PXK: variants seen among roughly 807,000 people sequenced by gnomAD.
PXK encodes the protein PX domain-containing protein kinase-like protein.
In PXK, 35 loss-of-function variants were observed where a neutral mutation model predicts 84.7. That is an observed-to-expected ratio of 0.41 (90% confidence interval 0.32 to 0.55). The LOEUF (loss-of-function observed/expected upper bound fraction) is 0.55. Among genes scored for constraint, PXK ranks in the 20% least tolerant of loss-of-function variants. The pLI is 0.21. For missense variants in PXK, 634 were observed against 699.7 expected, an observed-to-expected ratio of 0.91 and a Z score of 1.06; for synonymous variants, 253 against 260.8, an observed-to-expected ratio of 0.97 and a Z score of 0.29.
At chr3:58,420,784 A>C in intron 17 of PXK, 1 of 1,369,404 alleles carries the variant, frequency 7.3e-7, no homozygotes, top group Non-Finnish European at 9.4e-7. Context: ...TGACCTTCAA[A>C]ATCTTCATTT....
intron 1 of PXK, among the ~76,000 whole-genome samples, chr3:58,341,885 G>A (rs2097739361): frequency 6.6e-6 from 1 of 151,906 alleles, no homozygotes; most frequent in Non-Finnish European, 1.5e-5. Context: ...TGTATTTTTA[G>A]TAGAGATGGG....
intron 17 of PXK, chr3:58,420,579 C>T: frequency 6.5e-7 from 1 of 1,535,956 alleles, no homozygotes; most frequent in Non-Finnish European, 8.7e-7. Context: ...GTAAAGTAAA[C>T]TATGCTGATT....
chr3:58,421,984 C>G lies in PXK; in HGVS notation c.1529-2768C>G. The G allele has an allele frequency of 1.0e-6, 1 of 985,378 alleles. No homozygotes were observed. Among genetic ancestry groups the G allele is most frequent in the South Asian group, 4.7e-5 (1 of 21,290 alleles). 61.0% of individuals were successfully genotyped at this position (985,378 alleles called of 1,614,324 possible). ...GGTCTCTTGGCAGGAAGGCCTCATT[C>G]ACATCTGAGGGGTGGAGAGCGCGCA... On this transcript the variant is annotated intron_variant, in intron 17 of 17. Transcript: ENST00000356151. The surrounding 1 kb of genome is among the most constrained non-coding windows in gnomAD (Gnocchi z 5.5).
intron 1 of PXK, 140 bp from the exon 2 acceptor site, chr3:58,365,734 T>C: frequency 1.7e-6 from 1 of 589,064 alleles, no homozygotes; most frequent in Non-Finnish European, 2.8e-6. Context: ...TTATGTAATG[T>C]CCCTTTCTCT....
In PXK at chr3:58,333,405, C is replaced by A; in HGVS notation, c.102+315C>A. The A allele has an allele frequency of 3.6e-6, 1 of 277,176 alleles. No homozygotes were observed. The highest frequency in any genetic ancestry group is 7.7e-6 in the Non-Finnish European group (1 of 130,342). The allele number at this position is 277,176 out of a possible 1,614,324, so 17.2% of individuals were successfully genotyped here. On this transcript the variant is annotated intron_variant, in intron 1 of 17. Coordinates refer to ENST00000356151, the MANE Select transcript of PXK (RefSeq NM_017771.5). This position sits in a 1 kb window ranked among gnomAD's most constrained non-coding sequence, Gnocchi z 5.4. Reference sequence around the variant, plus strand: ...GGGCGGGGGCTGCGGGATTCCCGGGCTCACCTTGGACTAGGGGAGCAGGAA... The same window carrying A: ...GGGCGGGGGCTGCGGGATTCCCGGGATCACCTTGGACTAGGGGAGCAGGAA...
Position 58,401,891 on chromosome 3 carries a change from AAAAAT to A in PXK, c.1182-1956_1182-1952del, listed in dbSNP as rs745447683. ...GCGACAGAGTGAGACTCCATCTCAAAAAAATAAAATAAAATAAAAAATAAAACAAA... is the reference window on the plus strand; with the variant it reads ...GCGACAGAGTGAGACTCCATCTCAAAAAAATAAAATAAAAAATAAAACAAA... On this transcript the variant is annotated intron_variant, in intron 12 of 17. Coordinates refer to ENST00000356151, the MANE Select transcript of PXK (RefSeq NM_017771.5). This position sits in a 1 kb window ranked among gnomAD's most constrained non-coding sequence, Gnocchi z 4.4. Among the ~76,000 whole-genome samples, 33 of 152,136 alleles carry A rather than the reference AAAAAT, an allele frequency of 2.2e-4. No individual in the cohort carries two copies. The highest frequency in any genetic ancestry group is 2.4e-4 in the Non-Finnish European group (16 of 68,032).
At chr3:58,393,594 A>C (rs1022321698) in intron 7 of PXK, among the ~76,000 whole-genome samples, 10 of 152,168 alleles carry the variant, frequency 6.6e-5, no homozygotes, top group African/African-American at 2.4e-4. Flanking sequence ...TAGTTTACTC[A>C]ATCTTCTATT....
intron 1 of PXK, among the ~76,000 whole-genome samples, chr3:58,353,550 G>A (rs867277449): frequency 2.0e-5 from 3 of 152,148 alleles, no homozygotes; most frequent in Non-Finnish European, 4.4e-5. Context: ...TGACTACTTA[G>A]CAGAGCAAGG....
At chr3:58,422,116 C>T (rs2061974361) in intron 17 of PXK, 2 of 985,240 alleles carry the variant, frequency 2.0e-6, no homozygotes, top group Admixed American at 6.2e-5. Context: ...TGTGTTGTAG[C>T]TGAAGCCCCA....
intron 1 of PXK, among the ~76,000 whole-genome samples, chr3:58,358,563 T>G (rs936509996): frequency 1.3e-5 from 2 of 152,164 alleles, no homozygotes; most frequent in African/African-American, 4.8e-5. Flanking sequence ...TGTGACCTCT[T>G]CTACTCACCT....
intron 1 of PXK, among the ~76,000 whole-genome samples, chr3:58,337,087 G>A (rs999798882): frequency 6.6e-6 from 1 of 152,164 alleles, no homozygotes; most frequent in Non-Finnish European, 1.5e-5. Flanking sequence ...AGGGATTACA[G>A]GTTTGAGCCA....
chr3:58,396,891 A>G (rs2057760367), intron 9 of PXK, 148 bp from the exon 10 acceptor site: 1 of 743,420 alleles, frequency 1.3e-6, no homozygotes, highest in Admixed American at 3.1e-5. Flanking sequence ...TTCCAAACAA[A>G]TGGGTAGAGG....
intron 17 of PXK, among the ~76,000 whole-genome samples, chr3:58,417,520 C>T (rs1316432829): frequency 6.6e-6 from 1 of 152,154 alleles, no homozygotes; most frequent in Non-Finnish European, 1.5e-5. Context: ...CCTTACCAAG[C>T]TGATGGGAGA....
At chr3:58,422,420 G>A in intron 17 of PXK, 1 of 985,426 alleles carries the variant, frequency 1.0e-6, no homozygotes. Flanking sequence ...CCAGCCTGCT[G>A]AGGCCACATC....
rs544079502 is a variant in PXK at position 58,407,994 on chromosome 3, A to G, written c.1231-930A>G. ...CTGTGTCTTTTCTTTTAGGAGTTTT[A>G]TAGTTTTAGGTCTTATGTTTAGGTT... is the stretch of plus-strand genomic sequence containing the variant. On this transcript the variant is annotated intron_variant, in intron 13 of 17. Transcript: ENST00000356151. The surrounding 1 kb of genome is among the most constrained non-coding windows in gnomAD (Gnocchi z 4.3). Among the ~76,000 whole-genome samples the G allele has an allele frequency of 1.3e-5, 2 of 152,220 alleles. No individual in the cohort carries two copies. Among genetic ancestry groups the G allele is most frequent in the African/African-American group, 2.4e-5 (1 of 41,522 alleles).
chr3:58,386,419 C>T (rs769786695), intron 4 of PXK, among the ~76,000 whole-genome samples: 20 of 150,826 alleles, frequency 1.3e-4, no homozygotes, highest in Non-Finnish European at 2.7e-4. Context: ...CTCAGCCTCC[C>T]GAGTAGCTGG....
rs1165058528 is a variant in PXK, at chr3:58,407,732, T to A, written c.1231-1192T>A. On this transcript the variant is annotated intron_variant, in intron 13 of 17. Transcript: ENST00000356151. The surrounding 1 kb of genome is among the most constrained non-coding windows in gnomAD (Gnocchi z 4.3). Reference sequence around the variant, plus strand: ...CCACCACACCTGGCTAATTTTTGTATCTTTAGTAGAGACGGGGTTTTGCCA... The same window carrying A: ...CCACCACACCTGGCTAATTTTTGTAACTTTAGTAGAGACGGGGTTTTGCCA... 3.9e-5 allele frequency among the ~76,000 whole-genome samples: 6 copies of A among 152,092 alleles called. No homozygotes were observed. The highest frequency in any genetic ancestry group is 1.4e-4 in the African/African-American group (6 of 41,426).
rs765730826 is a variant in PXK at position 58,410,167 on chromosome 3, G to T, written c.1465+8G>T. 40 of 1,562,210 alleles carry T rather than the reference G, an allele frequency of 2.6e-5. No individual in the cohort carries two copies. Among genetic ancestry groups the T allele is most frequent in the Non-Finnish European group, 3.4e-5 (39 of 1,132,706 alleles). On this transcript the variant is annotated splice_region_variant and intron_variant, in intron 16 of 17. Coordinates refer to ENST00000356151, the MANE Select transcript of PXK (RefSeq NM_017771.5). ...GCAACTCCAATAATTCAGGTAACTG[G>T]TTATAGATGGTAGTGGGGCCCAGGA...
chr3:58,364,115 T>C lies in PXK; in HGVS notation c.103-1759T>C, dbSNP rs2098233284. ...CTTGGTCATGGTATATAATTCTTTT[T>C]ATAAATTGCTGAATTCAATTTACTA... On this transcript the variant is annotated intron_variant, in intron 1 of 17. Transcript: ENST00000356151. The surrounding 1 kb of genome is among the most constrained non-coding windows in gnomAD (Gnocchi z 4.3). Among the ~76,000 whole-genome samples, 1 of 152,236 alleles carries C rather than the reference T, an allele frequency of 6.6e-6. No individual in the cohort carries two copies.
Sources: allele counts gnomAD v4.1 joint callset (sites outside exome capture counted in the v4.1 genomes callset), GRCh38; gene constraint gnomAD v4.1.1; non-coding constraint Gnocchi (gnomAD v3.1); transcripts MANE v1.5; gene names NCBI Gene and HGNC (gene_info 2026-07-23, HGNC 2026-07-21).